The following SIPA1L2 variants were observed in gnomAD, a reference collection of about 807,000 sequenced individuals.
SIPA1L2 encodes signal-induced proliferation-associated 1-like protein 2.
In SIPA1L2, 56 loss-of-function variants were observed where a neutral mutation model predicts 163.9. That is an observed-to-expected ratio of 0.34 (90% CI 0.28 to 0.43). SIPA1L2 has a LOEUF of 0.43. Ranked by LOEUF, SIPA1L2 falls within the 20% of genes least tolerant of loss-of-function variation. The pLI is 1.00. For synonymous variants in SIPA1L2, 877 were observed against 865.7 expected, an observed-to-expected ratio of 1.01 and a Z score of -0.23; for missense variants, 1,974 against 2,193.5, an observed-to-expected ratio of 0.90 and a Z score of 2.00.
chr1:232,619,136 G>A (rs2102886344), intron 1 of SIPA1L2, among the ~76,000 whole-genome samples: 1 of 152,364 alleles, frequency 6.6e-6, no homozygotes, highest in Non-Finnish European at 1.5e-5. Flanking sequence ...ACAACTGAGA[G>A]TGTTCTGTAT....
At chr1:232,518,247 T>A (rs910475152) in intron 2 of SIPA1L2, among the ~76,000 whole-genome samples, 2 of 152,216 alleles carry the variant, frequency 1.3e-5, no homozygotes, top group Non-Finnish European at 2.9e-5. Flanking sequence ...TTAGCTTTAG[T>A]GGACAGCTAC....
At chr1:232,455,020 C>CTGAA (rs202071685) in intron 10 of SIPA1L2, among the ~76,000 whole-genome samples, 59 of 152,274 alleles carry the variant, frequency 3.9e-4, no homozygotes, top group Admixed American at 9.8e-4. Context: ...GAGTGAGTGG[C>CTGAA]TGAATGAATG....
At chr1:232,445,378 C>G (rs1021644281) in intron 11 of SIPA1L2, 151 bp downstream of exon 11, 7 of 1,109,076 alleles carry the variant, frequency 6.3e-6, no homozygotes, top group African/African-American at 6.3e-5. Flanking sequence ...CCAGGCACCA[C>G]TGTGTCTGGG....
intron 1 of SIPA1L2, among the ~76,000 whole-genome samples, chr1:232,603,483 C>T (rs1048962232): frequency 1.3e-5 from 2 of 152,182 alleles, no homozygotes; most frequent in African/African-American, 2.4e-5. Context: ...CAGAGGTAAA[C>T]GTTTGAACAG....
intron 1 of SIPA1L2, among the ~76,000 whole-genome samples, chr1:232,607,322 TTAAA>T (rs1399870845): frequency 2.0e-5 from 3 of 152,196 alleles, no homozygotes; most frequent in African/African-American, 7.2e-5. Flanking sequence ...TCCCATGTCA[TTAAA>T]TAGCCTTATA....
chr1:232,500,116 G>C (rs1666391206), intron 3 of SIPA1L2, among the ~76,000 whole-genome samples: 1 of 152,104 alleles, frequency 6.6e-6, no homozygotes, highest in African/African-American at 2.4e-5. Flanking sequence ...TTTACTGACT[G>C]TTTTAAGCCC....
At chr1:232,564,948 AT>A (rs1402063225) in intron 2 of SIPA1L2, among the ~76,000 whole-genome samples, 2 of 152,188 alleles carry the variant, frequency 1.3e-5, no homozygotes, top group Non-Finnish European at 1.5e-5. Flanking sequence ...TAGCTAATGC[AT>A]GCGGGGCTTA....
At chr1:232,488,413 G>A (rs16857426) in intron 5 of SIPA1L2, among the ~76,000 whole-genome samples, 2,185 of 152,280 alleles carry the variant, frequency 0.014, 56 homozygotes, top group African/African-American at 0.049. Flanking sequence ...CAGGTTAGTG[G>A]CGATTTGTAA....
At position 232,513,882 on chromosome 1, in the gene SIPA1L2, A is replaced by G. The variant is rs1667093841; in HGVS notation, c.1458T>C (p.Tyr486=). ...CTTTCCCATAGAAGAATTTGCGGTA[A>G]TAATAGGCCCCAAGGTCAATGTGTT... ...IIEHIDLGAY[Y]YRKFFYGKEH... is the part of the protein sequence containing the mutation. Residue 486 remains tyrosine, a synonymous_variant, in exon 3 of 23, where the codon TAT becomes TAC. Coordinates refer to ENST00000674635, the MANE Select transcript of SIPA1L2 (RefSeq NM_020808.5). 3.8e-6 allele frequency: 6 copies of G among 1,581,274 alleles called. No homozygotes were observed. Among genetic ancestry groups the G allele is most frequent in the Non-Finnish European group, 4.3e-6 (5 of 1,167,008 alleles).
chr1:232,416,558 G>A (rs1661277238), intron 18 of SIPA1L2, among the ~76,000 whole-genome samples: 1 of 152,222 alleles, frequency 6.6e-6, no homozygotes, highest in South Asian at 2.1e-4. Context: ...GCTGTAAGAA[G>A]TATTGGAACA....
intron 1 of SIPA1L2, among the ~76,000 whole-genome samples, chr1:232,626,410 G>A (rs546533577): frequency 5.8e-4 from 88 of 152,114 alleles, no homozygotes; most frequent in African/African-American, 1.9e-3. Context: ...GGAGAAGAAC[G>A]AACCAAGGAA....
chr1:232,603,067 T>TG (rs1441992696), intron 1 of SIPA1L2, among the ~76,000 whole-genome samples: 1 of 152,152 alleles, frequency 6.6e-6, no homozygotes, highest in African/African-American at 2.4e-5. Context: ...AATTAGCGGA[T>TG]GCTGGTGACC....
rs557273640 is a variant in SIPA1L2, at chr1:232,497,630, C to A, written c.1484-3970G>T. Among the ~76,000 whole-genome samples the A allele has an allele frequency of 1.8e-4, 28 of 152,308 alleles. 1 individual carries two copies. Among genetic ancestry groups the A allele is most frequent in the African/African-American group, 6.5e-4 (27 of 41,568 alleles). ...TGCCAGAGCTGTCTGCTATATGACACTAGTGGCCACTCACTTCTTGGCTGG... is the reference window on the plus strand; with the variant it reads ...TGCCAGAGCTGTCTGCTATATGACAATAGTGGCCACTCACTTCTTGGCTGG... On this transcript the variant is annotated intron_variant, in intron 3 of 22. Transcript: ENST00000674635.
At position 232,397,965 on chromosome 1, in the gene SIPA1L2, TTTC is replaced by T. The variant is rs1478882238; in HGVS notation, c.*1159_*1161del. ...AAAATCTAGTCACCTGACAACACCATTTCTTATGTGGACTTCTTTTAAACATTT... is the reference window on the plus strand; with the variant it reads ...AAAATCTAGTCACCTGACAACACCATTTATGTGGACTTCTTTTAAACATTT... On this transcript the variant is annotated 3_prime_UTR_variant, in exon 23 of 23. Coordinates refer to ENST00000674635, the MANE Select transcript of SIPA1L2 (RefSeq NM_020808.5). 6.6e-6 allele frequency: 1 copy of T among 152,652 alleles called. No homozygotes were observed. The highest frequency in any genetic ancestry group is 2.4e-5 in the African/African-American group (1 of 41,456). 9.5% of individuals were successfully genotyped at this position (152,652 alleles called of 1,614,324 possible). A position where few individuals can be genotyped will look rare whatever the true frequency, so the allele number is the denominator to read the frequency against.
At position 232,445,687 on chromosome 1, in the gene SIPA1L2, C is replaced by A; in HGVS notation, c.3195G>T (p.Thr1065=). 6.2e-7 allele frequency: 1 copy of A among 1,613,422 alleles called. No homozygotes were observed. Among genetic ancestry groups the A allele is most frequent in the Non-Finnish European group, 8.5e-7 (1 of 1,179,716 alleles). The part of the protein sequence containing the change: ...EYKTPFRRNT[T]WHRVPTPALQ... ...GGGCAGGAGTGGGCACCCGGTGCCACGTGGTGTTCCTCCTGAAGGGGGTTT... is the reference window on the plus strand; with the variant it reads ...GGGCAGGAGTGGGCACCCGGTGCCAAGTGGTGTTCCTCCTGAAGGGGGTTT... Residue 1065 remains threonine (T), a synonymous_variant, in exon 11 of 23, where the codon ACG becomes ACT. Transcript: ENST00000674635.
intron 8 of SIPA1L2, among the ~76,000 whole-genome samples, chr1:232,468,605 GTCACTATTACTA>G (rs1322509922): frequency 5.3e-5 from 8 of 152,154 alleles, no homozygotes; most frequent in Admixed American, 5.2e-4. Context: ...TGCTGTTACT[GTCACTATTACTA>G]TCATAGTTGT....
At chr1:232,578,332 A>C (rs1011778481) in intron 1 of SIPA1L2, among the ~76,000 whole-genome samples, 1 of 152,134 alleles carries the variant, frequency 6.6e-6, no homozygotes, top group Non-Finnish European at 1.5e-5. Flanking sequence ...GAAATAAGCA[A>C]ACCTCCGAAG....
chr1:232,562,195 G>A (rs1659075910), intron 2 of SIPA1L2, among the ~76,000 whole-genome samples: 1 of 152,214 alleles, frequency 6.6e-6, no homozygotes, highest in African/African-American at 2.4e-5. Context: ...TGTCCTTACA[G>A]AGTGGCAGAT....
At chr1:232,583,941 T>G (rs967862615) in intron 1 of SIPA1L2, among the ~76,000 whole-genome samples, 3 of 151,636 alleles carry the variant, frequency 2.0e-5, no homozygotes, top group Non-Finnish European at 4.4e-5. Context: ...AGAATCCCTC[T>G]TCCCAAAGAC....
Sources: allele counts gnomAD v4.1 joint callset (sites outside exome capture counted in the v4.1 genomes callset), GRCh38; gene constraint gnomAD v4.1.1; transcripts MANE v1.5; gene names NCBI Gene and HGNC (gene_info 2026-07-23, HGNC 2026-07-21).